RIMS2: variants seen among roughly 807,000 people sequenced by gnomAD.
RIMS2 encodes regulating synaptic membrane exocytosis protein 2.
In RIMS2, 59 loss-of-function variants were observed where a neutral mutation model predicts 174.4. That is an observed-to-expected ratio of 0.34 (90% CI 0.27 to 0.42). RIMS2 has a LOEUF of 0.42. RIMS2 is among the 10% of genes least tolerant of loss of function. RIMS2 has a pLI of 1.00. For missense variants in RIMS2, 1,620 were observed against 1,666.3 expected (o/e 0.97, Z 0.48); for synonymous variants, 606 against 572.5 (o/e 1.06, Z -0.84).
At chr8:104,168,964 T>A (rs1173136007) in intron 19 of RIMS2, among the ~76,000 whole-genome samples, 1 of 152,106 alleles carries the variant, frequency 6.6e-6, no homozygotes. Context: ...GACTTGTGTA[T>A]GTTAAACCAT....
At chr8:104,106,971 A>C (rs906833899) in intron 19 of RIMS2, among the ~76,000 whole-genome samples, 1 of 152,170 alleles carries the variant, frequency 6.6e-6, no homozygotes, top group Admixed American at 6.5e-5. Flanking sequence ...CTTTATTTTC[A>C]AATTCTGATT....
chr8:103,552,007 G>A lies in RIMS2; in HGVS notation c.176+50945G>A, dbSNP rs527651626. 5.9e-5 allele frequency among the ~76,000 whole-genome samples: 9 copies of A among 152,252 alleles called. No individual in the cohort carries two copies. In the South Asian group the frequency reaches 6.2e-4, roughly 11 times the overall value. On this transcript the variant is annotated intron_variant, in intron 1 of 23. Coordinates refer to ENST00000504942, the Ensembl canonical transcript of RIMS2. Reference sequence around the variant, plus strand: ...CTCATGGATAGGAAGAATCAATATCGTGAAAATGGCCATACTGCCCAAGGT... The same window carrying A: ...CTCATGGATAGGAAGAATCAATATCATGAAAATGGCCATACTGCCCAAGGT...
intron 19 of RIMS2, among the ~76,000 whole-genome samples, chr8:104,108,732 T>C (rs1428368770): frequency 6.6e-6 from 1 of 152,194 alleles, no homozygotes; most frequent in Non-Finnish European, 1.5e-5. Context: ...GGACTTTCTA[T>C]GAAAATATTT....
At chr8:104,237,639 A>G (rs1458779591) in intron 19 of RIMS2, among the ~76,000 whole-genome samples, 1 of 152,178 alleles carries the variant, frequency 6.6e-6, no homozygotes, top group East Asian at 1.9e-4. Flanking sequence ...AACTTTTATA[A>G]TATTAAATAG....
At chr8:103,955,605 A>T (rs2086898845) in intron 14 of RIMS2, among the ~76,000 whole-genome samples, 1 of 152,194 alleles carries the variant, frequency 6.6e-6, no homozygotes. Flanking sequence ...ATATCTCAAA[A>T]TAATACAAGC....
chr8:104,001,673 C>T (rs1003865912), intron 17 of RIMS2, among the ~76,000 whole-genome samples: 4 of 151,954 alleles, frequency 2.6e-5, no homozygotes, highest in African/African-American at 9.7e-5. Context: ...TTCTAAGTTT[C>T]TCTTCCCTCT....
At chr8:103,686,756 C>T (rs962201805) in intron 1 of RIMS2, among the ~76,000 whole-genome samples, 2 of 151,824 alleles carry the variant, frequency 1.3e-5, no homozygotes, top group Admixed American at 6.6e-5. Flanking sequence ...TAATTTCTTC[C>T]AGTATCTTTG....
chr8:103,984,126 A>G (rs1387440182), intron 16 of RIMS2, among the ~76,000 whole-genome samples: 2 of 152,150 alleles, frequency 1.3e-5, no homozygotes, highest in African/African-American at 4.8e-5. Flanking sequence ...GTGAGCCGAG[A>G]TCGCGCCACT....
intron 3 of RIMS2, among the ~76,000 whole-genome samples, chr8:103,853,300 A>G (rs2099009548): frequency 2.0e-5 from 3 of 151,382 alleles, no homozygotes; most frequent in Middle Eastern, 6.8e-3. Flanking sequence ...TTTCTGATGC[A>G]TAGTTTGTGA....
chr8:103,652,594 T>C, intron 1 of RIMS2, 30 bp from the exon 3 acceptor site: 1 of 1,163,898 alleles, frequency 8.6e-7, no homozygotes. Context: ...CATTTGGTTA[T>C]TCAGTCACAT....
At chr8:104,251,785 G>C (rs902821683) in exon 24 of RIMS2, 1 of 1,605,552 alleles carries the variant, frequency 6.2e-7, no homozygotes, top group African/African-American at 1.4e-5. Flanking sequence ...ATCATCTCTG[G>C]AAAGTTCAAC....
At chr8:103,881,221 A>T (rs1455913303) in intron 3 of RIMS2, among the ~76,000 whole-genome samples, 1 of 151,534 alleles carries the variant, frequency 6.6e-6, no homozygotes, top group African/African-American at 2.4e-5. Context: ...CATAATTTTT[A>T]AAAATTGCAT....
intron 19 of RIMS2, chr8:104,223,487 C>G: frequency 7.2e-7 from 1 of 1,379,892 alleles, no homozygotes. Flanking sequence ...AGGAAAGCCA[C>G]GTCTCCTCCG....
chr8:103,685,361 A>G (rs1193291668), intron 1 of RIMS2, among the ~76,000 whole-genome samples: 1 of 152,014 alleles, frequency 6.6e-6, no homozygotes, highest in East Asian at 1.9e-4. Context: ...AAACTTTTTA[A>G]AACAACTAGT....
At chr8:104,196,166 A>T (rs919542596) in intron 19 of RIMS2, among the ~76,000 whole-genome samples, 1 of 152,184 alleles carries the variant, frequency 6.6e-6, no homozygotes, top group African/African-American at 2.4e-5. Context: ...TCCAAAAAAC[A>T]CTTTGTCTTT....
At chr8:103,860,933 G>A (rs1333238413) in intron 3 of RIMS2, among the ~76,000 whole-genome samples, 1 of 151,956 alleles carries the variant, frequency 6.6e-6, no homozygotes, top group Non-Finnish European at 1.5e-5. Flanking sequence ...TCTGTACAAA[G>A]GTAAGTAGAC....
At chr8:103,694,104 A>T (rs2097067635) in intron 1 of RIMS2, among the ~76,000 whole-genome samples, 1 of 152,074 alleles carries the variant, frequency 6.6e-6, no homozygotes, top group Admixed American at 6.6e-5. Context: ...CACACTATTG[A>T]TCTGTTGGTC....
downstream of RIMS2, chr8:104,253,135 A>C (rs2099362941): frequency 6.6e-6 from 1 of 152,180 alleles, no homozygotes. Flanking sequence ...GTGCATGGTA[A>C]TTTTTTCACC....
At chr8:104,037,912 C>A (rs770841069) in intron 19 of RIMS2, among the ~76,000 whole-genome samples, 9 of 152,038 alleles carry the variant, frequency 5.9e-5, no homozygotes, top group Non-Finnish European at 8.8e-5. Flanking sequence ...TGTATTTTTA[C>A]TGTATGTTTT....
Sources: allele counts gnomAD v4.1 joint callset (sites outside exome capture counted in the v4.1 genomes callset), GRCh38; gene constraint gnomAD v4.1.1; transcripts MANE v1.5; gene names NCBI Gene and HGNC (gene_info 2026-07-23, HGNC 2026-07-21).